Variants in ADRA1B observed in about 807,000 individuals in gnomAD.
The protein encoded by ADRA1B is adrenoceptor alpha 1B.
ADRA1B carries 17 observed loss-of-function variants against 17.9 expected under a neutral mutation model. The observed-to-expected ratio is 0.95, with a 90% CI of 0.65 to 1.42. ADRA1B has a LOEUF of 1.42. Ranked by LOEUF, ADRA1B falls within the 40% of genes most tolerant of loss-of-function variation. The probability of loss-of-function intolerance (pLI) is 0.00; values close to 1 mark genes in which losing one functional copy is unlikely to be tolerated. For synonymous variants in ADRA1B, 366 were observed against 327.6 expected, an observed-to-expected ratio of 1.12 and a Z score of -1.27; for missense variants, 681 against 722.1, an observed-to-expected ratio of 0.94 and a Z score of 0.65.
intron 1 of ADRA1B, among the ~76,000 whole-genome samples, chr5:159,958,051 C>G (rs1031198654): frequency 6.6e-6 from 1 of 151,694 alleles, no homozygotes; most frequent in African/African-American, 2.4e-5. Flanking sequence ...AATTTGCAGC[C>G]TTATAAAAAT....
intron 1 of ADRA1B, among the ~76,000 whole-genome samples, chr5:159,910,516 T>C (rs1754216992): frequency 6.6e-6 from 1 of 152,160 alleles, no homozygotes; most frequent in Non-Finnish European, 1.5e-5. Flanking sequence ...TTAAGAGCAT[T>C]AGACTAGATG....
At chr5:159,914,954 G>T (rs1754265611), upstream of ADRA1B, among the ~76,000 whole-genome samples, 1 of 152,188 alleles carries the variant, frequency 6.6e-6, no homozygotes, top group Admixed American at 6.5e-5. Flanking sequence ...GGAATCAACT[G>T]ACTCTCTCTG....
At chr5:159,953,529 G>T (rs1755490005) in intron 1 of ADRA1B, among the ~76,000 whole-genome samples, 1 of 152,126 alleles carries the variant, frequency 6.6e-6, no homozygotes, top group Admixed American at 6.5e-5. Context: ...CCAGTCTGTG[G>T]CAATCAGCAC....
chr5:159,873,779 C>T (rs750797700), intron 1 of ADRA1B, among the ~76,000 whole-genome samples: 1 of 152,100 alleles, frequency 6.6e-6, no homozygotes, highest in Non-Finnish European at 1.5e-5. Flanking sequence ...GGCCTGTCCC[C>T]AGTGGAATTT....
At chr5:159,932,593 A>C (rs1166611666) in intron 1 of ADRA1B, among the ~76,000 whole-genome samples, 1 of 152,220 alleles carries the variant, frequency 6.6e-6, no homozygotes, top group Non-Finnish European at 1.5e-5. Flanking sequence ...CAAGGTACAA[A>C]TGTGGAGTGA....
intron 1 of ADRA1B, among the ~76,000 whole-genome samples, chr5:159,970,938 A>G (rs1388942749): frequency 6.6e-6 from 1 of 152,030 alleles, no homozygotes; most frequent in Non-Finnish European, 1.5e-5. Flanking sequence ...CCAAGTAGCT[A>G]GGACTACAGG....
intron 1 of ADRA1B, among the ~76,000 whole-genome samples, chr5:159,923,959 G>A (rs1289900200): frequency 6.6e-6 from 1 of 152,240 alleles, no homozygotes; most frequent in African/African-American, 2.4e-5. Context: ...GTTCAGAGAG[G>A]TTCAGTACCT....
intron 1 of ADRA1B, among the ~76,000 whole-genome samples, chr5:159,896,745 C>T (rs1395566780): frequency 6.6e-6 from 1 of 152,166 alleles, no homozygotes; most frequent in Non-Finnish European, 1.5e-5. Flanking sequence ...TGTAACAACC[C>T]CCTTGACAAA....
chr5:159,884,561 T>C (rs1286876693), intron 1 of ADRA1B, among the ~76,000 whole-genome samples: 3 of 152,178 alleles, frequency 2.0e-5, no homozygotes, highest in Admixed American at 2.0e-4. Flanking sequence ...TCCAAAACCA[T>C]AAAAAATAAA....
chr5:159,945,277 G>A (rs1312460623), intron 1 of ADRA1B, among the ~76,000 whole-genome samples: 1 of 152,074 alleles, frequency 6.6e-6, no homozygotes, highest in Non-Finnish European at 1.5e-5. Context: ...GCTTCAACCC[G>A]GGAGGTGGAG....
At chr5:159,878,323 G>T (rs1753823728) in intron 1 of ADRA1B, among the ~76,000 whole-genome samples, 2 of 152,138 alleles carry the variant, frequency 1.3e-5, no homozygotes, top group Admixed American at 1.3e-4. Context: ...CAGTTCAAGG[G>T]GCCTCCTGCC....
At chr5:159,964,807 T>G (rs545641176) in intron 1 of ADRA1B, among the ~76,000 whole-genome samples, 3 of 152,302 alleles carry the variant, frequency 2.0e-5, no homozygotes, top group African/African-American at 7.2e-5. Flanking sequence ...CTTCTTCATC[T>G]TGGTAGCAGT....
intron 1 of ADRA1B, among the ~76,000 whole-genome samples, chr5:159,894,559 A>G (rs750969970): frequency 2.0e-5 from 3 of 152,256 alleles, no homozygotes; most frequent in Non-Finnish European, 4.4e-5. Flanking sequence ...GTAAATTTGT[A>G]TCAAAAATAA....
chr5:159,888,715 G>T (rs1753952545), intron 1 of ADRA1B, among the ~76,000 whole-genome samples: 3 of 152,166 alleles, frequency 2.0e-5, no homozygotes, highest in African/African-American at 7.2e-5. Context: ...TCTAAGCCCA[G>T]GAATGCACTT....
chr5:159,921,626 A>G (rs1754484069), intron 1 of ADRA1B, among the ~76,000 whole-genome samples: 1 of 152,172 alleles, frequency 6.6e-6, no homozygotes, highest in African/African-American at 2.4e-5. Context: ...CTTGCTCCAA[A>G]TCTTTCTTCT....
intron 1 of ADRA1B, chr5:159,868,224 A>C (rs1753687326): frequency 6.6e-6 from 1 of 152,258 alleles, no homozygotes; most frequent in African/African-American, 2.4e-5. Flanking sequence ...CATGGTTAAT[A>C]ATGATAATAA....
chr5:159,897,714 A>G (rs1754054630), intron 1 of ADRA1B, among the ~76,000 whole-genome samples: 1 of 152,166 alleles, frequency 6.6e-6, no homozygotes, highest in African/African-American at 2.4e-5. Context: ...TAAACATGTG[A>G]GTCAAGATGG....
chr5:159,940,066 G>A (rs151003905), intron 1 of ADRA1B, among the ~76,000 whole-genome samples: 2 of 152,202 alleles, frequency 1.3e-5, no homozygotes. Context: ...AATGAAATCT[G>A]ATCAGAGCTG....
chr5:159,906,882 T>C (rs535873469), intron 1 of ADRA1B, among the ~76,000 whole-genome samples: 1 of 152,292 alleles, frequency 6.6e-6, no homozygotes, highest in African/African-American at 2.4e-5. Flanking sequence ...GTCCCTGGGA[T>C]TTAATTGAAA....
Sources: allele counts gnomAD v4.1 joint callset (sites outside exome capture counted in the v4.1 genomes callset), GRCh38; gene constraint gnomAD v4.1.1; transcripts MANE v1.5; gene names NCBI Gene and HGNC (gene_info 2026-07-23, HGNC 2026-07-21).